The following AIG1 variants were observed in gnomAD, a reference collection of about 807,000 sequenced individuals.
AIG1 encodes the protein androgen induced 1.
Under a neutral mutation model 31.4 loss-of-function variants are expected in AIG1, and 23 were observed. The observed-to-expected ratio is 0.73, with a 90% CI of 0.53 to 1.04. The LOEUF (loss-of-function observed/expected upper bound fraction) is 1.04. AIG1 is among the 50% of genes least tolerant of loss of function. AIG1 has a pLI of 0.00. For synonymous variants in AIG1, 100 were observed against 110.5 expected (o/e 0.90, Z 0.60); for missense variants, 274 against 295.0 (o/e 0.93, Z 0.52).
intron 4 of AIG1, among the ~76,000 whole-genome samples, chr6:143,319,950 G>A (rs1478939191): frequency 1.3e-5 from 2 of 152,088 alleles, no homozygotes; most frequent in Non-Finnish European, 2.9e-5. Context: ...ATGGGAGAAA[G>A]TATTTGTAAA....
intron 3 of AIG1, among the ~76,000 whole-genome samples, chr6:143,204,821 G>C (rs1405310466): frequency 6.6e-6 from 1 of 152,076 alleles, no homozygotes; most frequent in Non-Finnish European, 1.5e-5. Flanking sequence ...GTTCCAGAAG[G>C]TGGAAACAGA....
intron 2 of AIG1, among the ~76,000 whole-genome samples, chr6:143,148,700 G>A (rs1562428197): frequency 6.6e-6 from 1 of 152,012 alleles, no homozygotes; most frequent in Admixed American, 6.6e-5. Context: ...GCATGCTCCT[G>A]TAGTCCCTGC....
intron 1 of AIG1, among the ~76,000 whole-genome samples, chr6:143,093,789 G>A (rs983211321): frequency 3.3e-5 from 5 of 152,144 alleles, no homozygotes; most frequent in African/African-American, 4.8e-5. Flanking sequence ...GGGAAATAGG[G>A]AGGCCTGAAG....
intron 1 of AIG1, among the ~76,000 whole-genome samples, chr6:143,097,114 C>A (rs1779865076): frequency 6.6e-6 from 1 of 151,788 alleles, no homozygotes; most frequent in Admixed American, 6.6e-5. Flanking sequence ...AAGGGAATAG[C>A]CCTGTAACAG....
At chr6:143,230,257 A>G (rs1245257532) in intron 3 of AIG1, among the ~76,000 whole-genome samples, 1 of 151,996 alleles carries the variant, frequency 6.6e-6, no homozygotes, top group Non-Finnish European at 1.5e-5. Context: ...ACTTATACAA[A>G]CTTATGCTTA....
At chr6:143,319,945 A>AG (rs1168864339) in intron 4 of AIG1, among the ~76,000 whole-genome samples, 3 of 152,234 alleles carry the variant, frequency 2.0e-5, no homozygotes, top group Non-Finnish European at 2.9e-5. Flanking sequence ...ATGGCATGGG[A>AG]GAAAGTATTT....
intron 3 of AIG1, among the ~76,000 whole-genome samples, chr6:143,267,753 T>G (rs1360767360): frequency 6.6e-6 from 1 of 152,144 alleles, no homozygotes; most frequent in Non-Finnish European, 1.5e-5. Context: ...AGACAAAAGT[T>G]GATGAGCAGT....
chr6:143,238,354 A>G (rs1282800276), intron 3 of AIG1, among the ~76,000 whole-genome samples: 1 of 152,202 alleles, frequency 6.6e-6, no homozygotes, highest in Non-Finnish European at 1.5e-5. Flanking sequence ...ATTTTCTCAT[A>G]ACAACAACCC....
chr6:143,089,083 GC>G (rs1306074075), intron 1 of AIG1, among the ~76,000 whole-genome samples: 1 of 151,958 alleles, frequency 6.6e-6, no homozygotes. Flanking sequence ...GGTGGTGGGT[GC>G]CTGTAATCCC....
At chr6:143,201,616 A>T (rs934672522) in intron 3 of AIG1, among the ~76,000 whole-genome samples, 1 of 152,214 alleles carries the variant, frequency 6.6e-6, no homozygotes, top group East Asian at 1.9e-4. Flanking sequence ...AATCTGAGAG[A>T]TGCAGATGTT....
intron 2 of AIG1, among the ~76,000 whole-genome samples, chr6:143,143,837 A>G (rs1784499690): frequency 6.6e-6 from 1 of 152,076 alleles, no homozygotes; most frequent in African/African-American, 2.4e-5. Flanking sequence ...ATAGATGAGG[A>G]TTTATTCAAG....
chr6:143,249,061 A>G (rs1794814760), intron 3 of AIG1, among the ~76,000 whole-genome samples: 1 of 152,194 alleles, frequency 6.6e-6, no homozygotes. Flanking sequence ...ATTATATAGG[A>G]TGAATATGTT....
At chr6:143,186,408 G>T (rs149825168) in intron 3 of AIG1, among the ~76,000 whole-genome samples, 539 of 152,308 alleles carry the variant, frequency 3.5e-3, no homozygotes, top group African/African-American at 0.012. Flanking sequence ...GTAAACCTGG[G>T]TATAATAATT....
chr6:143,309,692 A>C (rs1244053458), intron 4 of AIG1, among the ~76,000 whole-genome samples: 1 of 152,034 alleles, frequency 6.6e-6, no homozygotes, highest in Non-Finnish European at 1.5e-5. Context: ...CACCAATTAA[A>C]AGACAAAGAT....
intron 3 of AIG1, chr6:143,187,712 G>A: frequency 6.5e-7 from 1 of 1,536,008 alleles, no homozygotes; most frequent in Non-Finnish European, 8.7e-7. Context: ...CAGAAAGCTT[G>A]CTCCAGCAAT....
chr6:143,247,495 A>C (rs1794699392), intron 3 of AIG1, among the ~76,000 whole-genome samples: 1 of 152,202 alleles, frequency 6.6e-6, no homozygotes, highest in Non-Finnish European at 1.5e-5. Context: ...TCTTGGTTTA[A>C]AGACCCCGTC....
chr6:143,102,649 A>G (rs1473992068), intron 1 of AIG1, among the ~76,000 whole-genome samples: 1 of 150,738 alleles, frequency 6.6e-6, no homozygotes, highest in East Asian at 1.9e-4. Flanking sequence ...TGCATTTAAC[A>G]TGTAACAGTA....
chr6:143,161,274 A>G (rs1386113460), intron 2 of AIG1, among the ~76,000 whole-genome samples: 1 of 152,174 alleles, frequency 6.6e-6, no homozygotes, highest in Non-Finnish European at 1.5e-5. Context: ...GCAAGTCCAG[A>G]TGGCTTTACT....
intron 1 of AIG1, among the ~76,000 whole-genome samples, chr6:143,068,518 GAATTCTGAA>G (rs1776937880): frequency 6.6e-6 from 1 of 152,168 alleles, no homozygotes; most frequent in Non-Finnish European, 1.5e-5. Flanking sequence ...CAGAAGCATG[GAATTCTGAA>G]AAGTCAGACA....
Sources: gnomAD v4.1 joint callset for allele counts (sites outside exome capture counted in the v4.1 genomes callset) on GRCh38, gnomAD v4.1.1 for gene constraint, MANE v1.5 for transcripts, NCBI Gene and HGNC (gene_info 2026-07-23, HGNC 2026-07-21) for gene names.